The following ALDH3B2 variants were observed in gnomAD, a reference collection of about 807,000 sequenced individuals.
The protein encoded by ALDH3B2 is aldehyde dehydrogenase family 3 member B2.
ALDH3B2 carries 45 observed loss-of-function variants against 36.7 expected under a neutral mutation model. The observed-to-expected ratio is 1.23, with a 90% confidence interval of 0.97 to 1.57. ALDH3B2 has a LOEUF of 1.57. Among genes scored for constraint, ALDH3B2 ranks in the 40% most tolerant of loss-of-function variants. The pLI is 0.00. For missense variants in ALDH3B2, 464 were observed against 513.3 expected, an observed-to-expected ratio of 0.90 and a Z score of 0.93; for synonymous variants, 217 against 226.5, an observed-to-expected ratio of 0.96 and a Z score of 0.38.
upstream of ALDH3B2, among the ~76,000 whole-genome samples, chr11:67,674,987 G>A (rs779296351): frequency 3.3e-5 from 5 of 152,064 alleles, no homozygotes; most frequent in South Asian, 2.1e-4. Flanking sequence ...TGCCCCCCAT[G>A]GCCCCTCCTA....
chr11:67,676,382 T>C (rs575423519), upstream of ALDH3B2, among the ~76,000 whole-genome samples: 19 of 152,146 alleles, frequency 1.2e-4, no homozygotes, highest in African/African-American at 4.3e-4. Flanking sequence ...AAAATCAAGA[T>C]GGAAATTAAA....
chr11:67,666,527 G>C (rs1463000853), intron 4 of ALDH3B2, 47 bp downstream of exon 4: 1 of 1,611,590 alleles, frequency 6.2e-7, no homozygotes, highest in African/African-American at 1.3e-5. Flanking sequence ...CTCTTTGGGA[G>C]GGGCTACTGG....
rs1591143272 is a variant in ALDH3B2 at position 67,666,572 on chromosome 11, A to C, written c.151+2T>G. 6.2e-7 allele frequency: 1 copy of C among 1,613,668 alleles called. No homozygotes were observed. Among genetic ancestry groups the C allele is most frequent in the African/African-American group, 1.3e-5 (1 of 74,940 alleles). ...GCATGGGGTTCGGAACGCCCTCCTC[A>C]CCTGCGGCGAGGGCGCCCACCAGGA... On this transcript the variant is annotated splice_donor_variant, in intron 4 of 9. Transcript: ENST00000349015. LOFTEE classifies it high-confidence loss of function.
chr11:67,667,277 T>C (rs929434770), intron 2 of ALDH3B2, among the ~76,000 whole-genome samples, 196 bp downstream of exon 2: 1 of 76,652 alleles, frequency 1.3e-5, no homozygotes, highest in Non-Finnish European at 3.1e-5. Context: ...CCATGGAGCC[T>C]GCATCACAGG....
At chr11:67,673,766 A>G (rs1056542805) in intron 1 of ALDH3B2, 1 of 152,226 alleles carries the variant, frequency 6.6e-6, no homozygotes, top group Non-Finnish European at 1.5e-5. Flanking sequence ...CGAGGCTCCC[A>G]GAGACGACTT....
chr11:67,675,084 T>A (rs368518722), upstream of ALDH3B2, among the ~76,000 whole-genome samples: 226 of 152,286 alleles, frequency 1.5e-3, 9 homozygotes, highest in South Asian at 0.046. Flanking sequence ...TGTGGCTCTA[T>A]TTCCACTCTC....
exon 10 of ALDH3B2, chr11:67,663,094 C>T (rs1855788646): frequency 8.1e-7 from 1 of 1,238,300 alleles, no homozygotes; most frequent in Admixed American, 2.3e-5. Context: ...CATGTGACAG[C>T]TCCAGCAACC....
chr11:67,670,078 A>C (rs111200387), intron 1 of ALDH3B2, among the ~76,000 whole-genome samples: 1 of 6,476 alleles, frequency 1.5e-4, no homozygotes, highest in Admixed American at 2.0e-3. Flanking sequence ...GTGTGTCCAC[A>C]TGTGTCTGTG....
exon 10 of ALDH3B2, chr11:67,663,159 C>T: frequency 3.3e-6 from 5 of 1,530,394 alleles, no homozygotes; most frequent in Non-Finnish European, 4.4e-6. Flanking sequence ...GAGCATAAGC[C>T]CCTCATGGCT....
At chr11:67,666,430 G>A (rs895644565) in intron 4 of ALDH3B2, 29 bp from the exon 5 acceptor site, 1 of 1,607,212 alleles carries the variant, frequency 6.2e-7, no homozygotes. Flanking sequence ...ACGTCGTTGG[G>A]GGAGCCCAGG....
upstream of ALDH3B2, among the ~76,000 whole-genome samples, chr11:67,676,914 A>G (rs750451117): frequency 6.6e-6 from 1 of 152,146 alleles, no homozygotes; most frequent in Non-Finnish European, 1.5e-5. Context: ...AGAATTAGAT[A>G]CCCTGAACAG....
upstream of ALDH3B2, among the ~76,000 whole-genome samples, chr11:67,678,262 T>A (rs1443538877): frequency 6.6e-6 from 1 of 152,136 alleles, no homozygotes; most frequent in Non-Finnish European, 1.5e-5. Flanking sequence ...CATATCGGTG[T>A]AAAACTAGGC....
chr11:67,666,097 T>G (rs768636769), intron 6 of ALDH3B2, 25 bp downstream of exon 6: 2 of 1,592,456 alleles, frequency 1.3e-6, no homozygotes, highest in African/African-American at 2.7e-5. Flanking sequence ...CCACCTACTC[T>G]GGGACCCTGG....
At chr11:67,668,081 C>T (rs1347544329) in intron 1 of ALDH3B2, 1 of 152,602 alleles carries the variant, frequency 6.6e-6, no homozygotes, top group South Asian at 2.1e-4. Flanking sequence ...GGGCCTCCCT[C>T]CCTTCTGGGA....
intron 1 of ALDH3B2, among the ~76,000 whole-genome samples, chr11:67,680,165 T>C (rs1263492697): frequency 1.3e-5 from 2 of 151,896 alleles, no homozygotes; most frequent in African/African-American, 4.8e-5. Context: ...GATACAAAAA[T>C]TAGCCGGGCG....
chr11:67,678,728 C>T (rs1856316008), upstream of ALDH3B2, among the ~76,000 whole-genome samples: 1 of 149,542 alleles, frequency 6.7e-6, no homozygotes, highest in Non-Finnish European at 1.5e-5. Context: ...TATATACACG[C>T]TATGGCATAT....
chr11:67,680,176 T>A (rs899885170), intron 1 of ALDH3B2, among the ~76,000 whole-genome samples: 1 of 152,002 alleles, frequency 6.6e-6, no homozygotes, highest in Non-Finnish European at 1.5e-5. Flanking sequence ...TAGCCGGGCG[T>A]GGTGATGCGC....
chr11:67,676,645 A>G (rs1856278897), upstream of ALDH3B2, among the ~76,000 whole-genome samples: 3 of 152,074 alleles, frequency 2.0e-5, no homozygotes, highest in Admixed American at 2.0e-4. Flanking sequence ...AAATATACAA[A>G]AGGTAAATGA....
intron 1 of ALDH3B2, among the ~76,000 whole-genome samples, chr11:67,670,211 TG>T (rs1856065471): frequency 8.2e-6 from 1 of 121,624 alleles, no homozygotes; most frequent in Non-Finnish European, 1.8e-5. Context: ...TATGGGTGTG[TG>T]TGTCCACGTG....
Sources: gnomAD v4.1 joint callset for allele counts (sites outside exome capture counted in the v4.1 genomes callset) on GRCh38, gnomAD v4.1.1 for gene constraint, MANE v1.5 for transcripts, NCBI Gene and HGNC (gene_info 2026-07-23, HGNC 2026-07-21) for gene names.